PPP2R2C: variants seen among roughly 807,000 people sequenced by gnomAD.
PPP2R2C encodes protein phosphatase 2, regulatory subunit B, gamma.
Under a neutral mutation model 45.3 loss-of-function variants are expected in PPP2R2C, and 10 were observed. The observed-to-expected ratio is 0.22, with a 90% CI of 0.14 to 0.37. The LOEUF is 0.37. PPP2R2C is among the 10% of genes least tolerant of loss of function. The probability of loss-of-function intolerance (pLI) is 1.00; values close to 1 mark genes in which losing one functional copy is unlikely to be tolerated. For missense variants in PPP2R2C, 308 were observed against 619.7 expected, an observed-to-expected ratio of 0.50 and a Z score of 5.34; for synonymous variants, 257 against 245.4, an observed-to-expected ratio of 1.05 and a Z score of -0.44.
intron 6 of PPP2R2C, among the ~76,000 whole-genome samples, chr4:6,341,586 C>T (rs1158817446): frequency 6.6e-6 from 1 of 152,128 alleles, no homozygotes; most frequent in African/African-American, 2.4e-5. Flanking sequence ...AATCTGTGCA[C>T]CTGTTATCTC....
intron 1 of PPP2R2C, 22 bp from the exon 2 acceptor site, chr4:6,381,116 G>C (rs376242939): frequency 1.3e-6 from 2 of 1,559,268 alleles, no homozygotes; most frequent in Non-Finnish European, 1.7e-6. Flanking sequence ...ACAGCAAGAC[G>C]GGAAGGGGTG....
At chr4:6,386,014 G>C (rs975271849) in intron 1 of PPP2R2C, among the ~76,000 whole-genome samples, 4 of 152,176 alleles carry the variant, frequency 2.6e-5, no homozygotes, top group Non-Finnish European at 4.4e-5. Flanking sequence ...CATTTCTTAA[G>C]TGATTACTGT....
At chr4:6,420,030 A>G (rs1051960298) in intron 1 of PPP2R2C, among the ~76,000 whole-genome samples, 2 of 152,222 alleles carry the variant, frequency 1.3e-5, no homozygotes, top group Non-Finnish European at 2.9e-5. Flanking sequence ...AGAGAAGGAC[A>G]CATTTAAACG....
At chr4:6,515,811 C>A (rs956127968) in intron 2 of PPP2R2C, among the ~76,000 whole-genome samples, 1 of 152,198 alleles carries the variant, frequency 6.6e-6, no homozygotes, top group Non-Finnish European at 1.5e-5. Context: ...AACCAGAAGT[C>A]CAAGATCGAG....
intron 1 of PPP2R2C, among the ~76,000 whole-genome samples, chr4:6,465,745 G>A (rs182269285): frequency 1.6e-4 from 24 of 151,946 alleles, no homozygotes; most frequent in African/African-American, 5.6e-4. Flanking sequence ...ATAAGAGCAC[G>A]TAACTGGAAT....
At chr4:6,406,852 A>G (rs1348537731) in intron 1 of PPP2R2C, among the ~76,000 whole-genome samples, 1 of 152,228 alleles carries the variant, frequency 6.6e-6, no homozygotes, top group Non-Finnish European at 1.5e-5. Context: ...CTTATTTGGA[A>G]AAAGGGTCTT....
At chr4:6,461,801 T>C (rs1721334901) in intron 1 of PPP2R2C, among the ~76,000 whole-genome samples, 1 of 152,258 alleles carries the variant, frequency 6.6e-6, no homozygotes, top group East Asian at 1.9e-4. Flanking sequence ...TCCTGCTGTA[T>C]GTAGTGACCA....
chr4:6,416,020 T>TA (rs1372980843), intron 1 of PPP2R2C, among the ~76,000 whole-genome samples: 4 of 152,242 alleles, frequency 2.6e-5, no homozygotes, highest in Non-Finnish European at 5.9e-5. Context: ...ACCAATTTTT[T>TA]ATCCCAAGTT....
intron 1 of PPP2R2C, among the ~76,000 whole-genome samples, chr4:6,418,724 T>TGCTA (rs1230551616): frequency 1.3e-5 from 2 of 152,240 alleles, no homozygotes; most frequent in Non-Finnish European, 2.9e-5. Context: ...TGGAAGTCAC[T>TGCTA]GCTAGGATGG....
chr4:6,535,059 G>T (rs987278173), intron 2 of PPP2R2C, among the ~76,000 whole-genome samples: 1 of 152,228 alleles, frequency 6.6e-6, no homozygotes, highest in African/African-American at 2.4e-5. Flanking sequence ...AGACAGGGGC[G>T]GCAATGGGGG....
At position 6,471,160 on chromosome 4, in the gene PPP2R2C, G is replaced by A. The variant is rs1259763004; in HGVS notation, c.70+1000C>T. ...CCCGTGCCCAGGGCCCCTCCCACTG[G>A]GGCACCCACCCGGGGAATCCGCGCA... On this transcript the variant is annotated intron_variant, in intron 1 of 8. Coordinates refer to ENST00000382599, the MANE Select transcript of PPP2R2C (RefSeq NM_020416.4). The surrounding 1 kb of genome is among the most constrained non-coding windows in gnomAD (Gnocchi z 5.6). 6.6e-6 allele frequency among the ~76,000 whole-genome samples: 1 copy of A among 152,148 alleles called. No individual in the cohort carries two copies. The highest frequency in any genetic ancestry group is 1.5e-5 in the Non-Finnish European group (1 of 68,006).
Position 6,382,715 on chromosome 4 carries a change from A to ACC in PPP2R2C, c.71-1623_71-1622dup, listed in dbSNP as rs1553891212. 211 of 330,030 alleles carry ACC rather than the reference A, an allele frequency of 6.4e-4. 1 individual carries two copies. The highest frequency in any genetic ancestry group is 1.2e-3 in the East Asian group (13 of 10,528). The allele number at this position is 330,030 out of a possible 1,614,324, so 20.4% of individuals were successfully genotyped here. ...CACACACACACACACACACACACAC[A>ACC]CCCCACATCCAATCCTGCCTGCTCA... On this transcript the variant is annotated intron_variant, in intron 1 of 8. Transcript: ENST00000382599.
In PPP2R2C at chr4:6,324,921, G is replaced by A. The variant is rs544644232; in HGVS notation, c.1053-1328C>T. Reference sequence around the variant, plus strand: ...GGAGGAAGAGGATGTTACGAAAAGCGACCATAAAGAAGTTGTCCTGCTGAA... The same window carrying A: ...GGAGGAAGAGGATGTTACGAAAAGCAACCATAAAGAAGTTGTCCTGCTGAA... On this transcript the variant is annotated intron_variant, in intron 8 of 8. Transcript: ENST00000382599. The surrounding 1 kb of genome is among the most constrained non-coding windows in gnomAD (Gnocchi z 4.1). Among the ~76,000 whole-genome samples, 1 of 152,216 alleles carries A rather than the reference G, an allele frequency of 6.6e-6. No homozygotes were observed. Among genetic ancestry groups the A allele is most frequent in the Non-Finnish European group, 1.5e-5 (1 of 68,034 alleles).
chr4:6,514,947 C>T (rs868348844), intron 2 of PPP2R2C, among the ~76,000 whole-genome samples: 30 of 152,056 alleles, frequency 2.0e-4, no homozygotes, highest in Non-Finnish European at 2.1e-4. Flanking sequence ...ACCATGTGGC[C>T]TTCTCCTGGT....
rs556622663 is a variant in PPP2R2C at position 6,324,456 on chromosome 4, AAAGAC to A, written c.1053-868_1053-864del. On this transcript the variant is annotated intron_variant, in intron 8 of 8. Coordinates refer to ENST00000382599, the MANE Select transcript of PPP2R2C (RefSeq NM_020416.4). The surrounding 1 kb of genome is among the most constrained non-coding windows in gnomAD (Gnocchi z 4.1). ...CGAAAAAAGAAAAGAAAAGAAAAGA[AAAGAC>A]CCTCCTGTAATTTCTGTTAGTCCAG... 1.5e-3 allele frequency among the ~76,000 whole-genome samples: 205 copies of A among 135,930 alleles called. No homozygotes were observed. Among genetic ancestry groups the A allele is most frequent in the African/African-American group, 5.4e-3 (201 of 37,120 alleles). The allele number at this position is 135,930 out of a possible 152,430, so 89.2% of individuals were successfully genotyped here.
rs1296790380 is a variant in PPP2R2C, at chr4:6,330,022, T to C, written c.961-669A>G. 6.6e-6 allele frequency among the ~76,000 whole-genome samples: 1 copy of C among 151,800 alleles called. No homozygotes were observed. Among genetic ancestry groups the C allele is most frequent in the Non-Finnish European group, 1.5e-5 (1 of 67,946 alleles). On this transcript the variant is annotated intron_variant, in intron 7 of 8. Coordinates refer to ENST00000382599, the MANE Select transcript of PPP2R2C (RefSeq NM_020416.4). The surrounding 1 kb of genome is among the most constrained non-coding windows in gnomAD (Gnocchi z 7.0). ...AGAGGGAACCCACAGAGGTTTCTCA[T>C]CCATCCACAGCACGAGGCACTGAGG...
intron 1 of PPP2R2C, among the ~76,000 whole-genome samples, chr4:6,411,554 CTT>C (rs34210845): frequency 6.2e-4 from 84 of 136,182 alleles, no homozygotes; most frequent in Admixed American, 8.1e-4. Flanking sequence ...CTTTTCATTT[CTT>C]TTTTTTTTTT....
chr4:6,512,695 A>T (rs926563883), intron 2 of PPP2R2C, among the ~76,000 whole-genome samples: 14 of 149,310 alleles, frequency 9.4e-5, no homozygotes, highest in African/African-American at 3.5e-4. Context: ...GGTGGTGGTG[A>T]TGATGGTGAG....
intron 2 of PPP2R2C, among the ~76,000 whole-genome samples, chr4:6,503,076 C>T (rs1420152515): frequency 6.6e-6 from 1 of 152,200 alleles, no homozygotes; most frequent in East Asian, 1.9e-4. Flanking sequence ...AAACTAATGT[C>T]CAAATCTTCC....
Sources: allele counts gnomAD v4.1 joint callset (sites outside exome capture counted in the v4.1 genomes callset), GRCh38; gene constraint gnomAD v4.1.1; non-coding constraint Gnocchi (gnomAD v3.1); transcripts MANE v1.5; gene names NCBI Gene and HGNC (gene_info 2026-07-23, HGNC 2026-07-21).